The following MED13 variants were observed in gnomAD, a reference collection of about 807,000 sequenced individuals.
MED13 encodes the protein mediator complex subunit 13.
MED13 carries 23 observed loss-of-function variants against 225.2 expected under a neutral mutation model. The ratio of observed to expected loss-of-function variants is 0.10; its 90% CI spans 0.07 to 0.14. The LOEUF (loss-of-function observed/expected upper bound fraction) is 0.14, where lower values mean the gene tolerates loss of function less well. Ranked by LOEUF, MED13 falls within the 10% of genes least tolerant of loss-of-function variation. The pLI, the probability that MED13 is intolerant of heterozygous loss-of-function variation, is 1.00. For missense variants in MED13, 2,197 were observed against 2,594.5 expected, an observed-to-expected ratio of 0.85 and a Z score of 3.33; for synonymous variants, 942 against 889.2, an observed-to-expected ratio of 1.06 and a Z score of -1.06.
intron 23 of MED13, 66 bp downstream of exon 23, chr17:61,960,801 T>C (rs928175785): frequency 1.5e-5 from 18 of 1,175,314 alleles, no homozygotes; most frequent in Non-Finnish European, 2.0e-5. Flanking sequence ...TGGTTTTCTA[T>C]TCATTAAAAA....
At chr17:62,058,661 A>C (rs1193292859) in intron 2 of MED13, among the ~76,000 whole-genome samples, 3 of 151,922 alleles carry the variant, frequency 2.0e-5, no homozygotes, top group Non-Finnish European at 2.9e-5. Flanking sequence ...TAAAGCAAAA[A>C]GTAAGAAAAT....
At chr17:61,981,422 C>G (rs1002199731) in intron 16 of MED13, among the ~76,000 whole-genome samples, 2 of 150,790 alleles carry the variant, frequency 1.3e-5, no homozygotes, top group African/African-American at 5.0e-5. Context: ...CCACAAAGGC[C>G]TTACATGGTC....
chr17:62,043,181 A>AG lies in MED13; in HGVS notation c.471-7574_471-7573insC, dbSNP rs1304504398. 5.6e-3 allele frequency among the ~76,000 whole-genome samples: 748 copies of AG among 133,504 alleles called. 2 individuals carry two copies. The highest frequency in any genetic ancestry group is 0.021 in the African/African-American group (682 of 32,182). 87.6% of individuals were successfully genotyped at this position (133,504 alleles called of 152,430 possible). On this transcript the variant is annotated intron_variant, in intron 3 of 29. Coordinates refer to ENST00000397786, the MANE Select transcript of MED13 (RefSeq NM_005121.3). ...CAAAAAAAAAAAAAAAAAAAAAAAAAAAAGAAAGAAAGAAAGAAAGAAAAA... is the reference window on the plus strand; with the variant it reads ...CAAAAAAAAAAAAAAAAAAAAAAAAAGAAAGAAAGAAAGAAAGAAAGAAAAA...
chr17:62,058,553 AAG>A (rs1416089508), intron 2 of MED13, among the ~76,000 whole-genome samples: 15 of 151,900 alleles, frequency 9.9e-5, no homozygotes, highest in African/African-American at 2.9e-4. Context: ...GAAAGAAAGA[AAG>A]AAAAAAGCTG....
intron 8 of MED13, among the ~76,000 whole-genome samples, chr17:62,017,522 T>TA (rs2080594847): frequency 6.6e-6 from 1 of 152,238 alleles, no homozygotes; most frequent in Non-Finnish European, 1.5e-5. Flanking sequence ...TTTCAGGGGC[T>TA]ACAGGGGTTC....
rs2079841136 is a variant in MED13, at chr17:61,944,941, GA to G, written c.*1526del. The G allele has an allele frequency of 6.6e-6, 1 of 152,610 alleles. No homozygotes were observed. The highest frequency in any genetic ancestry group is 2.4e-5 in the African/African-American group (1 of 41,444). 9.5% of individuals were successfully genotyped at this position (152,610 alleles called of 1,614,324 possible). On this transcript the variant is annotated 3_prime_UTR_variant, in exon 30 of 30. Coordinates refer to ENST00000397786, the MANE Select transcript of MED13 (RefSeq NM_005121.3). ...CAGTTATCTTGGCATGTGCAAACAAGAAGGGGGAAAGTTGTATTGAAGGAGG... is the reference window on the plus strand; with the variant it reads ...CAGTTATCTTGGCATGTGCAAACAAGAGGGGGAAAGTTGTATTGAAGGAGG...
chr17:61,964,074 T>A (rs2080031659), intron 20 of MED13, among the ~76,000 whole-genome samples: 1 of 152,200 alleles, frequency 6.6e-6, no homozygotes, highest in Non-Finnish European at 1.5e-5. Flanking sequence ...CTAAAGCCTC[T>A]AAATAGAGTG....
intron 16 of MED13, among the ~76,000 whole-genome samples, chr17:61,980,589 T>C (rs1281419524): frequency 6.6e-6 from 1 of 152,226 alleles, no homozygotes; most frequent in African/African-American, 2.4e-5. Flanking sequence ...CTGTAGGTTC[T>C]ATTTCCCAAA....
At chr17:62,065,073 T>A in intron 1 of MED13, 67 bp downstream of exon 1, 15 of 1,316,316 alleles carry the variant, frequency 1.1e-5, no homozygotes, top group East Asian at 3.1e-5. Context: ...CCCGGCCCCC[T>A]CCCCCACGGC....
chr17:61,952,710 C>T (rs796215225), intron 27 of MED13, among the ~76,000 whole-genome samples: 19 of 152,286 alleles, frequency 1.2e-4, no homozygotes, highest in African/African-American at 4.6e-4. Context: ...GATCTCGGCT[C>T]ACTACAACCT....
At chr17:61,948,868 CG>C (rs778005188) in intron 28 of MED13, among the ~76,000 whole-genome samples, 238 of 151,258 alleles carry the variant, frequency 1.6e-3, no homozygotes, top group Non-Finnish European at 2.8e-3. Flanking sequence ...GGGCGGATCA[CG>C]AGGTCAGGAG....
In MED13 at chr17:61,987,102, G is replaced by T; in HGVS notation, c.2290C>A (p.Arg764Ser). The change falls in exon 12 of 30, where the codon CGT becomes AGT. Residue 764 changes from arginine to serine, a missense_variant. Arg to Ser is a moderately radical substitution (Grantham distance 110). Transcript: ENST00000397786. ...QDAPRPTSHA[R>S]PPSTSLIYDS... Reference sequence around the variant, plus strand: ...TAAATCAAACTTGTTGATGGAGGACGGGCATGACTAGTAGGGCGTGGAGCA... The same window carrying T: ...TAAATCAAACTTGTTGATGGAGGACTGGCATGACTAGTAGGGCGTGGAGCA... The T allele has an allele frequency of 6.2e-7, 1 of 1,608,160 alleles. No individual in the cohort carries two copies. Among genetic ancestry groups the T allele is most frequent in the Non-Finnish European group, 8.5e-7 (1 of 1,176,600 alleles).
In MED13 at chr17:62,003,393, G is replaced by A. The variant is rs1057130241; in HGVS notation, c.1967+7157C>T. On this transcript the variant is annotated intron_variant, in intron 9 of 29. Coordinates refer to ENST00000397786, the MANE Select transcript of MED13 (RefSeq NM_005121.3). Reference sequence around the variant, plus strand: ...GGCTGAGGCAGGTGGATCACCTGAGGTCAGGAGTTCGAGACCAGCCTGACC... The same window carrying A: ...GGCTGAGGCAGGTGGATCACCTGAGATCAGGAGTTCGAGACCAGCCTGACC... Among the ~76,000 whole-genome samples, 9 of 152,132 alleles carry A rather than the reference G, an allele frequency of 5.9e-5. 1 individual carries two copies. The highest frequency in any genetic ancestry group is 1.9e-4 in the East Asian group (1 of 5,172).
intron 21 of MED13, among the ~76,000 whole-genome samples, chr17:61,962,036 C>CCAG (rs1407657736): frequency 1.3e-5 from 2 of 151,992 alleles, no homozygotes; most frequent in Non-Finnish European, 2.9e-5. Context: ...ACCTGTAATC[C>CCAG]CAGCACTTTG....
intron 8 of MED13, among the ~76,000 whole-genome samples, chr17:62,021,466 G>A (rs1486488331): frequency 6.6e-6 from 1 of 151,284 alleles, no homozygotes; most frequent in Non-Finnish European, 1.5e-5. Context: ...CGGGCAGAGG[G>A]GCTCCTCACT....
chr17:62,007,614 C>T (rs998048087), intron 9 of MED13: 1 of 152,054 alleles, frequency 6.6e-6, no homozygotes, highest in Non-Finnish European at 1.5e-5. Context: ...TTTAGGAGGC[C>T]GAGGCGGGCG....
At chr17:62,032,867 A>G (rs903983829) in intron 5 of MED13, among the ~76,000 whole-genome samples, 4 of 152,150 alleles carry the variant, frequency 2.6e-5, no homozygotes, top group African/African-American at 9.7e-5. Context: ...TGACCCTTTT[A>G]GGCTGGGCAC....
chr17:61,994,026 G>C (rs1461327842), intron 10 of MED13, among the ~76,000 whole-genome samples: 1 of 149,910 alleles, frequency 6.7e-6, no homozygotes, highest in East Asian at 1.9e-4. Flanking sequence ...TTTAAACGGA[G>C]TATTGCTCTG....
At chr17:62,045,253 C>A (rs2080888601) in intron 3 of MED13, among the ~76,000 whole-genome samples, 1 of 152,114 alleles carries the variant, frequency 6.6e-6, no homozygotes, top group African/African-American at 2.4e-5. Context: ...TTCTGTATAC[C>A]CTCCTAGAAG....
Sources: allele counts gnomAD v4.1 joint callset (sites outside exome capture counted in the v4.1 genomes callset), GRCh38; gene constraint gnomAD v4.1.1; transcripts MANE v1.5; gene names NCBI Gene and HGNC (gene_info 2026-07-23, HGNC 2026-07-21).